The following ST8SIA1 variants were observed in gnomAD, a reference collection of about 807,000 sequenced individuals.
ST8SIA1 encodes the protein alpha-N-acetylneuraminide alpha-2,8-sialyltransferase.
A neutral mutation model predicts 35.9 loss-of-function variants in ST8SIA1; 16 were observed. The ratio of observed to expected loss-of-function variants is 0.45; its 90% CI spans 0.30 to 0.68. The LOEUF (loss-of-function observed/expected upper bound fraction) is 0.68. Among genes scored for constraint, ST8SIA1 ranks in the 30% least tolerant of loss-of-function variants. The probability of loss-of-function intolerance (pLI) is 0.09; values close to 1 mark genes in which losing one functional copy is unlikely to be tolerated. For synonymous variants in ST8SIA1, 170 were observed against 169.6 expected (o/e 1.00, Z -0.02); for missense variants, 383 against 453.6 (o/e 0.84, Z 1.41).
intron 1 of ST8SIA1, among the ~76,000 whole-genome samples, chr12:22,309,763 A>C (rs959898107): frequency 1.3e-5 from 2 of 152,158 alleles, no homozygotes; most frequent in African/African-American, 2.4e-5. Context: ...ATCATTCTTT[A>C]GTTGGCAGTA....
intron 4 of ST8SIA1, among the ~76,000 whole-genome samples, chr12:22,241,852 G>C (rs895039137): frequency 6.6e-6 from 1 of 151,868 alleles, no homozygotes; most frequent in African/African-American, 2.4e-5. Context: ...AGAAATATTT[G>C]TTGGCTCTCA....
chr12:22,308,173 T>A (rs1422284465), intron 1 of ST8SIA1, among the ~76,000 whole-genome samples: 1 of 152,232 alleles, frequency 6.6e-6, no homozygotes, highest in South Asian at 2.1e-4. Flanking sequence ...AATTTTCATC[T>A]TATATGTTTT....
chr12:22,204,531 C>T (rs1029160805), intron 4 of ST8SIA1, among the ~76,000 whole-genome samples: 6 of 152,212 alleles, frequency 3.9e-5, no homozygotes, highest in East Asian at 3.9e-4. Flanking sequence ...TTCACAGGGC[C>T]CTGCTGGCTG....
Position 22,248,961 on chromosome 12 carries a change from A to G in ST8SIA1, c.584+45T>C. The G allele has an allele frequency of 2.1e-6, 3 of 1,423,314 alleles. No homozygotes were observed. In the South Asian group the frequency reaches 3.5e-5, roughly 17 times the overall value. The allele number at this position is 1,423,314 out of a possible 1,614,324, so 88.2% of individuals were successfully genotyped here. On this transcript the variant is annotated intron_variant, in intron 4 of 4. Transcript: ENST00000396037. ...CCTTTGAAATGCTAAGTACTTGAGAAGACTTCATCTTCGTTCGTCACAAAC... is the reference window on the plus strand; with the variant it reads ...CCTTTGAAATGCTAAGTACTTGAGAGGACTTCATCTTCGTTCGTCACAAAC...
rs1215172454 is a variant in ST8SIA1 at position 22,334,358 on chromosome 12, G to A, written c.-126C>T. ...ACCTTTGGTTCTCTTACTTGCAAAC[G>A]CACGCACGCTTCTTCGGCCCCGTCG... On this transcript the variant is annotated 5_prime_UTR_variant, in exon 1 of 5. Transcript: ENST00000396037. 7.3e-6 allele frequency: 5 copies of A among 689,512 alleles called. No individual in the cohort carries two copies. In the East Asian group the frequency reaches 8.2e-5, roughly 11 times the overall value. The allele number at this position is 689,512 out of a possible 1,614,324, so 42.7% of individuals were successfully genotyped here.
chr12:22,243,767 C>T (rs1865567036), intron 4 of ST8SIA1, among the ~76,000 whole-genome samples: 1 of 152,168 alleles, frequency 6.6e-6, no homozygotes, highest in South Asian at 2.1e-4. Context: ...TGCAGTGGCT[C>T]ACACCTGGAA....
intron 2 of ST8SIA1, among the ~76,000 whole-genome samples, chr12:22,283,841 A>T (rs1866064213): frequency 6.6e-6 from 1 of 152,012 alleles, no homozygotes; most frequent in African/African-American, 2.4e-5. Context: ...AAAAGGGAAA[A>T]CCCTCTTGTT....
chr12:22,264,063 C>T (rs1333284529), intron 2 of ST8SIA1, among the ~76,000 whole-genome samples: 1 of 152,130 alleles, frequency 6.6e-6, no homozygotes, highest in Non-Finnish European at 1.5e-5. Flanking sequence ...TCCTCCTGGA[C>T]TCCCACACAC....
chr12:22,223,635 A>G, intron 4 of ST8SIA1: 13 of 1,141,804 alleles, frequency 1.1e-5, no homozygotes, highest in Non-Finnish European at 1.4e-5. Context: ...TGGCTTCTCA[A>G]CGTGGCAGGG....
At chr12:22,264,415 G>A (rs1430300470) in intron 2 of ST8SIA1, among the ~76,000 whole-genome samples, 1 of 152,152 alleles carries the variant, frequency 6.6e-6, no homozygotes, top group Admixed American at 6.5e-5. Context: ...TTCCTAGCGA[G>A]CATGGTGCCC....
In ST8SIA1 at chr12:22,257,514, G is replaced by A. The variant is rs547824823; in HGVS notation, c.382-2125C>T. Among the ~76,000 whole-genome samples, 314 of 151,100 alleles carry A rather than the reference G, an allele frequency of 2.1e-3. 3 individuals are homozygous for A. Among genetic ancestry groups the A allele is most frequent in the African/African-American group, 7.1e-3 (294 of 41,146 alleles). ...GCTGGGATTACAGGAGCGAGCCACC[G>A]CACCTGGCCCCAGGAACTGCAATTT... On this transcript the variant is annotated intron_variant, in intron 2 of 4. Transcript: ENST00000396037.
At chr12:22,223,653 T>C in intron 4 of ST8SIA1, 1 of 1,164,318 alleles carries the variant, frequency 8.6e-7, no homozygotes, top group South Asian at 1.7e-5. Context: ...GGGATTCTGA[T>C]TCTGACTGAT....
chr12:22,220,997 T>TTC (rs1865292486), intron 4 of ST8SIA1, among the ~76,000 whole-genome samples: 1 of 152,228 alleles, frequency 6.6e-6, no homozygotes, highest in Non-Finnish European at 1.5e-5. Context: ...TGTGGAAATG[T>TTC]CATGATTCCC....
intron 2 of ST8SIA1, among the ~76,000 whole-genome samples, chr12:22,286,086 T>G (rs1866098123): frequency 6.6e-6 from 1 of 152,148 alleles, no homozygotes; most frequent in African/African-American, 2.4e-5. Flanking sequence ...CTTAGTTATT[T>G]CCTTTGACAC....
At chr12:22,202,664 A>C (rs972760505) in intron 4 of ST8SIA1, among the ~76,000 whole-genome samples, 1 of 152,244 alleles carries the variant, frequency 6.6e-6, no homozygotes, top group South Asian at 2.1e-4. Context: ...GCAGTTGTAG[A>C]AACAAAGATA....
chr12:22,223,403 C>G (rs1233441048), intron 4 of ST8SIA1: 1 of 473,274 alleles, frequency 2.1e-6, no homozygotes, highest in East Asian at 1.5e-4. Context: ...ATCATTTCAA[C>G]CTCCTTCTGT....
chr12:22,279,104 C>T (rs1866004537), intron 2 of ST8SIA1, among the ~76,000 whole-genome samples: 1 of 152,068 alleles, frequency 6.6e-6, no homozygotes. Flanking sequence ...CTCATTTATC[C>T]AGCCTACTTC....
chr12:22,303,887 C>CAAAA (rs1491346518), intron 1 of ST8SIA1, among the ~76,000 whole-genome samples: 5 of 149,934 alleles, frequency 3.3e-5, no homozygotes, highest in African/African-American at 1.2e-4. Context: ...CACACACACA[C>CAAAA]AAAAGTGGTG....
intron 1 of ST8SIA1, among the ~76,000 whole-genome samples, chr12:22,316,677 G>C (rs527813064): frequency 7.2e-5 from 11 of 152,148 alleles, no homozygotes; most frequent in Middle Eastern, 3.4e-3. Context: ...GCAGTCATAA[G>C]ACAAATTGAG....
Sources: allele counts gnomAD v4.1 joint callset (sites outside exome capture counted in the v4.1 genomes callset), GRCh38; gene constraint gnomAD v4.1.1; transcripts MANE v1.5; gene names NCBI Gene and HGNC (gene_info 2026-07-23, HGNC 2026-07-21).